HAPLN1: variants seen among roughly 807,000 people sequenced by gnomAD.
HAPLN1 encodes the protein Cartilage link protein.
HAPLN1 carries 13 observed loss-of-function variants against 36.5 expected under a neutral mutation model. The observed-to-expected ratio is 0.36, with a 90% CI of 0.23 to 0.57. The LOEUF is 0.57. Among genes scored for constraint, HAPLN1 ranks in the 20% least tolerant of loss-of-function variants. HAPLN1 has a pLI of 0.83. For synonymous variants in HAPLN1, 202 were observed against 169.8 expected, an observed-to-expected ratio of 1.19 and a Z score of -1.48; for missense variants, 407 against 439.7, an observed-to-expected ratio of 0.93 and a Z score of 0.66.
chr5:83,667,124 C>T (rs1446600053), intron 2 of HAPLN1, among the ~76,000 whole-genome samples: 2 of 152,168 alleles, frequency 1.3e-5, no homozygotes, highest in Admixed American at 6.5e-5. Flanking sequence ...GCACCTAACA[C>T]ATTTGTTGAA....
At chr5:83,703,632 T>C (rs747512096) in intron 1 of HAPLN1, 1 of 152,046 alleles carries the variant, frequency 6.6e-6, no homozygotes, top group Admixed American at 6.5e-5. Context: ...GTCAGACTTA[T>C]GAGGACTTAT....
intron 3 of HAPLN1, among the ~76,000 whole-genome samples, chr5:83,650,379 C>T (rs1438764472): frequency 6.6e-6 from 1 of 152,050 alleles, no homozygotes; most frequent in Non-Finnish European, 1.5e-5. Context: ...CTGACTTCTG[C>T]CTTATTTCAT....
intron 1 of HAPLN1, among the ~76,000 whole-genome samples, chr5:83,675,935 T>A (rs1750849811): frequency 6.6e-6 from 1 of 152,228 alleles, no homozygotes; most frequent in Non-Finnish European, 1.5e-5. Flanking sequence ...TAATTTGTTA[T>A]GTCTTTTGTT....
chr5:83,672,927 G>A (rs969589412), intron 2 of HAPLN1, among the ~76,000 whole-genome samples: 2 of 152,306 alleles, frequency 1.3e-5, no homozygotes, highest in East Asian at 1.9e-4. Flanking sequence ...ATGTGCAGGG[G>A]CAATGTATTG....
At chr5:83,691,621 T>A (rs1751275622) in intron 1 of HAPLN1, among the ~76,000 whole-genome samples, 1 of 151,998 alleles carries the variant, frequency 6.6e-6, no homozygotes, top group African/African-American at 2.4e-5. Flanking sequence ...ACCATATCTC[T>A]GAACAACGTA....
intron 3 of HAPLN1, among the ~76,000 whole-genome samples, chr5:83,649,056 A>G (rs1749969703): frequency 6.6e-6 from 1 of 152,204 alleles, no homozygotes; most frequent in Non-Finnish European, 1.5e-5. Flanking sequence ...TCTGAAGTAT[A>G]TTTAGACAAA....
rs1188964493 is a variant in HAPLN1 at position 83,641,412 on chromosome 5, A to G, written c.*84T>C. 6 of 1,284,728 alleles carry G rather than the reference A, an allele frequency of 4.7e-6. No homozygotes were observed. Among genetic ancestry groups the G allele is most frequent in the African/African-American group, 1.5e-5 (1 of 67,006 alleles). 79.6% of individuals were successfully genotyped at this position (1,284,728 alleles called of 1,614,324 possible). On this transcript the variant is annotated 3_prime_UTR_variant, in exon 5 of 5. Transcript: ENST00000274341. ...AAAAAGGGTTATCACAGTTTTGGTA[A>G]CTTGCATGAGTTCATATTGGAAAAA...
chr5:83,644,371 T>C lies in HAPLN1; in HGVS notation c.767A>G (p.Asn256Ser). The change falls in exon 4 of 5, where the codon AAT (asparagine) becomes AGT (serine). Residue 256 changes from asparagine (N) to serine (S), a missense_variant. Physicochemically the swap from Asn to Ser is conservative, Grantham distance 46 (BLOSUM62 1). Coordinates refer to ENST00000274341, the MANE Select transcript of HAPLN1 (RefSeq NM_001884.4). ...SRYDVFCFTS[N>S]FNGRFYYLIH... ...TACAGTTATTATCTTACCATTGAAA[T>C]TGGATGTAAAACAGAAAACATCATA... 6.4e-7 allele frequency: 1 copy of C among 1,553,514 alleles called. No individual in the cohort carries two copies. The highest frequency in any genetic ancestry group is 8.7e-7 in the Non-Finnish European group (1 of 1,149,546).
At chr5:83,710,831 G>C (rs1751764353) in intron 1 of HAPLN1, among the ~76,000 whole-genome samples, 1 of 151,974 alleles carries the variant, frequency 6.6e-6, no homozygotes, top group African/African-American at 2.4e-5. Context: ...GGCGCCTGTA[G>C]TCCCAGCTAC....
At chr5:83,645,465 C>CTTTTT (rs1749834652) in intron 3 of HAPLN1, among the ~76,000 whole-genome samples, 1 of 28,852 alleles carries the variant, frequency 3.5e-5, no homozygotes, top group African/African-American at 1.8e-4. Flanking sequence ...TTTCTTTTTT[C>CTTTTT]TTTTTCTTTC....
intron 3 of HAPLN1, among the ~76,000 whole-genome samples, chr5:83,651,068 G>C (rs917639102): frequency 7.9e-5 from 12 of 151,350 alleles, no homozygotes; most frequent in Non-Finnish European, 1.5e-4. Flanking sequence ...TTTTTATTTA[G>C]AGTTTAATTT....
intron 3 of HAPLN1, among the ~76,000 whole-genome samples, chr5:83,651,589 A>ATATGCTAGTGGACC (rs140786931): frequency 1.3e-5 from 2 of 151,598 alleles, no homozygotes; most frequent in African/African-American, 2.4e-5. Flanking sequence ...TCAAATAGTG[A>ATATGCTAGTGGACC]CACAAATCTG....
At chr5:83,675,555 C>G (rs998135529) in intron 1 of HAPLN1, among the ~76,000 whole-genome samples, 5 of 152,064 alleles carry the variant, frequency 3.3e-5, no homozygotes, top group Non-Finnish European at 7.4e-5. Context: ...GAATTTCATT[C>G]GTCTTAAAAA....
At chr5:83,719,005 G>A (rs78052928) in intron 1 of HAPLN1, among the ~76,000 whole-genome samples, 78 of 152,190 alleles carry the variant, frequency 5.1e-4, no homozygotes, top group African/African-American at 1.8e-3. Flanking sequence ...TTAGTAGACC[G>A]TTTACTCATA....
chr5:83,676,403 T>C (rs1191833029), intron 1 of HAPLN1, among the ~76,000 whole-genome samples: 2 of 152,208 alleles, frequency 1.3e-5, no homozygotes, highest in Non-Finnish European at 2.9e-5. Flanking sequence ...AAATTATCTT[T>C]GTTACTCTGG....
At chr5:83,712,648 A>G (rs964307727) in intron 1 of HAPLN1, among the ~76,000 whole-genome samples, 4 of 152,066 alleles carry the variant, frequency 2.6e-5, no homozygotes, top group African/African-American at 9.7e-5. Flanking sequence ...ATTTCATGAA[A>G]AAATTTTGTT....
At chr5:83,651,886 GA>G (rs1211269031) in intron 3 of HAPLN1, 1 of 151,816 alleles carries the variant, frequency 6.6e-6, no homozygotes, top group Non-Finnish European at 1.5e-5. Flanking sequence ...ACATATTTAA[GA>G]AATAGAATTC....
At position 83,680,307 on chromosome 5, in the gene HAPLN1, A is replaced by G. The variant is rs541914661; in HGVS notation, c.-26-6758T>C. The stretch of plus-strand genomic sequence containing the variant: ...GCCTATCTGAGCAAAAGCACATGTC[A>G]TATTTTGTGTTTATAATGTTCATGT... On this transcript the variant is annotated intron_variant, in intron 1 of 4. Transcript: ENST00000274341. Among the ~76,000 whole-genome samples the G allele has an allele frequency of 3.7e-4, 57 of 152,314 alleles. No individual in the cohort carries two copies. The South Asian group carries it at 5.6e-3, about 15-fold the overall frequency.
intron 1 of HAPLN1, among the ~76,000 whole-genome samples, chr5:83,695,899 C>T (rs1452255744): frequency 1.3e-5 from 2 of 151,854 alleles, no homozygotes; most frequent in African/African-American, 4.8e-5. Context: ...TTACTTTAAA[C>T]ATCCTAGTGG....
Sources: allele counts gnomAD v4.1 joint callset (sites outside exome capture counted in the v4.1 genomes callset), GRCh38; gene constraint gnomAD v4.1.1; transcripts MANE v1.5; gene names NCBI Gene and HGNC (gene_info 2026-07-23, HGNC 2026-07-21).